The following DLGAP4 variants were observed in gnomAD, a reference collection of about 807,000 sequenced individuals.
DLGAP4 encodes DLG associated protein 4.
DLGAP4 carries 18 observed loss-of-function variants against 86.9 expected under a neutral mutation model. The ratio of observed to expected loss-of-function variants is 0.21; its 90% confidence interval spans 0.14 to 0.31. DLGAP4 has a LOEUF of 0.31. DLGAP4 is among the 10% of genes least tolerant of loss of function. DLGAP4 has a pLI of 1.00. For synonymous variants in DLGAP4, 548 were observed against 574.3 expected, an observed-to-expected ratio of 0.95 and a Z score of 0.65; for missense variants, 1,085 against 1,362.6, an observed-to-expected ratio of 0.80 and a Z score of 3.21.
intron 1 of DLGAP4, among the ~76,000 whole-genome samples, chr20:36,347,688 T>C (rs2029990804): frequency 6.6e-6 from 1 of 151,134 alleles, no homozygotes; most frequent in African/African-American, 2.4e-5. Flanking sequence ...TAGCCCAACA[T>C]GGTGACATGC....
At chr20:36,371,769 A>G (rs184048463) in intron 2 of DLGAP4, among the ~76,000 whole-genome samples, 2 of 152,180 alleles carry the variant, frequency 1.3e-5, no homozygotes, top group East Asian at 3.9e-4. Context: ...TTTTTTTTAA[A>G]AAGAGGTTAT....
chr20:36,480,119 A>G (rs964193673), intron 7 of DLGAP4, among the ~76,000 whole-genome samples: 1 of 152,154 alleles, frequency 6.6e-6, no homozygotes, highest in African/African-American at 2.4e-5. Flanking sequence ...CTTAAGTCAT[A>G]CACTGAATGA....
chr20:36,313,225 C>T (rs886295752), intron 1 of DLGAP4, among the ~76,000 whole-genome samples: 1 of 152,134 alleles, frequency 6.6e-6, no homozygotes, highest in Non-Finnish European at 1.5e-5. Context: ...CTCTGGAGTG[C>T]AGCTTGTAAA....
chr20:36,526,951 GCTT>G lies in DLGAP4; in HGVS notation c.2902_2904del (p.Ser968del). On this transcript the variant is annotated inframe_deletion, in exon 13 of 13. Transcript: ENST00000339266. ...GAGACTCCTGGCGGCCAAGCGGGCA[GCTT>G]CTGTGCGGCAGAACTCAGCCACCGA... 2.5e-6 allele frequency: 4 copies of G among 1,613,836 alleles called. No homozygotes were observed. The highest frequency in any genetic ancestry group is 3.4e-6 in the Non-Finnish European group (4 of 1,179,938).
At chr20:36,343,538 G>A (rs2147377591) in intron 1 of DLGAP4, among the ~76,000 whole-genome samples, 1 of 152,202 alleles carries the variant, frequency 6.6e-6, no homozygotes, top group South Asian at 2.1e-4. Flanking sequence ...GCTTTTTAAT[G>A]CCTCATTTGC....
At chr20:36,374,032 C>CAAA (rs11472489) in intron 2 of DLGAP4, among the ~76,000 whole-genome samples, 12 of 115,602 alleles carry the variant, frequency 1.0e-4, no homozygotes, top group South Asian at 3.1e-4. Flanking sequence ...GAGACTGTCT[C>CAAA]AAAAAAAAAA....
intron 7 of DLGAP4, among the ~76,000 whole-genome samples, chr20:36,471,473 G>A (rs1253534166): frequency 2.0e-5 from 3 of 152,276 alleles, no homozygotes; most frequent in African/African-American, 2.4e-5. Context: ...CAGCCTGGGT[G>A]ACAGAGCAAG....
chr20:36,432,007 T>C lies in DLGAP4; in HGVS notation c.290T>C (p.Ile97Thr), dbSNP rs1442543165. ...CCCAGCCATGCCCAAGCCACCAAGA[T>C]CAACCGGCTGCCCGCCAACCTCCTG... ...PFPSHAQATK[I>T]NRLPANLLDQ... Residue 97 changes from isoleucine (I) to threonine (T), a missense_variant, in exon 3 of 13, where the codon ATC (isoleucine) becomes ACC (threonine). Coordinates refer to ENST00000339266, the MANE Select transcript of DLGAP4 (RefSeq NM_001365621.2). This position sits in a 1 kb window ranked among gnomAD's most constrained non-coding sequence, Gnocchi z 6.5. 2 of 1,613,994 alleles carry C rather than the reference T, an allele frequency of 1.2e-6. No individual in the cohort carries two copies. Among genetic ancestry groups the C allele is most frequent in the Admixed American group, 3.3e-5 (2 of 60,014 alleles).
chr20:36,433,091 C>A (rs1279624622), intron 3 of DLGAP4, among the ~76,000 whole-genome samples: 1 of 152,192 alleles, frequency 6.6e-6, no homozygotes, highest in African/African-American at 2.4e-5. Context: ...ACAGGGATCA[C>A]ATCTGATGCA....
At chr20:36,418,988 G>T (rs1325028577) in intron 2 of DLGAP4, among the ~76,000 whole-genome samples, 1 of 152,150 alleles carries the variant, frequency 6.6e-6, no homozygotes, top group Non-Finnish European at 1.5e-5. Context: ...TGGGATGTGG[G>T]CTCAAGGATC....
At chr20:36,473,914 G>T (rs925606432) in intron 7 of DLGAP4, among the ~76,000 whole-genome samples, 5 of 152,348 alleles carry the variant, frequency 3.3e-5, no homozygotes, top group Admixed American at 6.5e-5. Flanking sequence ...GAGCATCTCT[G>T]TAGAGTTGGA....
intron 10 of DLGAP4, among the ~76,000 whole-genome samples, chr20:36,510,373 C>T (rs1408729923): frequency 6.6e-6 from 1 of 152,186 alleles, no homozygotes; most frequent in Non-Finnish European, 1.5e-5. Flanking sequence ...AAGCGATTCT[C>T]CTGCCTCAGC....
intron 1 of DLGAP4, among the ~76,000 whole-genome samples, chr20:36,346,853 C>T (rs577192316): frequency 3.9e-4 from 59 of 152,264 alleles, no homozygotes; most frequent in Non-Finnish European, 7.4e-4. Flanking sequence ...ATGCTGAAGT[C>T]ACAGTGGCCA....
At chr20:36,377,646 C>T (rs750336239) in intron 2 of DLGAP4, among the ~76,000 whole-genome samples, 2 of 152,156 alleles carry the variant, frequency 1.3e-5, no homozygotes, top group African/African-American at 2.4e-5. Context: ...TCATTGCCAC[C>T]GTCTCTGTCT....
intron 7 of DLGAP4, among the ~76,000 whole-genome samples, chr20:36,486,281 G>A (rs2035407854): frequency 6.6e-6 from 1 of 152,168 alleles, no homozygotes; most frequent in Non-Finnish European, 1.5e-5. Context: ...AAAGACATGT[G>A]AGCTAATAAA....
At chr20:36,475,715 A>T (rs978022708) in intron 7 of DLGAP4, among the ~76,000 whole-genome samples, 7 of 152,320 alleles carry the variant, frequency 4.6e-5, no homozygotes, top group African/African-American at 9.6e-5. Context: ...GAAAATTTTT[A>T]AAAATGCTTA....
intron 1 of DLGAP4, among the ~76,000 whole-genome samples, chr20:36,319,798 A>G (rs572272874): frequency 6.6e-6 from 1 of 152,200 alleles, no homozygotes; most frequent in East Asian, 1.9e-4. Context: ...GGCACCTAGG[A>G]GGCCTGGGAG....
chr20:36,342,007 G>A (rs782581830), intron 1 of DLGAP4, among the ~76,000 whole-genome samples: 7 of 152,198 alleles, frequency 4.6e-5, no homozygotes, highest in Admixed American at 1.3e-4. Context: ...CTGTTGGATC[G>A]GGGTGTCGGG....
rs557209124 is a variant in DLGAP4 at position 36,427,501 on chromosome 20, GGGAA to G, written c.-72-4120_-72-4117del. 8.1e-3 allele frequency among the ~76,000 whole-genome samples: 1,223 copies of G among 150,334 alleles called. 16 individuals are homozygous for G. Among genetic ancestry groups the G allele is most frequent in the African/African-American group, 0.024 (961 of 40,498 alleles). On this transcript the variant is annotated intron_variant, in intron 2 of 12. Transcript: ENST00000339266. Reference sequence around the variant, plus strand: ...AAAAGAAAGAAGTGGGAGGGAGGGAGGGAAGGAAGGAAGGAAGGAAGGAAGGAAA... The same window carrying G: ...AAAAGAAAGAAGTGGGAGGGAGGGAGGGAAGGAAGGAAGGAAGGAAGGAAA...
Sources: allele counts gnomAD v4.1 joint callset (sites outside exome capture counted in the v4.1 genomes callset), GRCh38; gene constraint gnomAD v4.1.1; non-coding constraint Gnocchi (gnomAD v3.1); transcripts MANE v1.5; gene names NCBI Gene and HGNC (gene_info 2026-07-23, HGNC 2026-07-21).